Variants in PCDH9 observed in about 807,000 individuals in gnomAD.
The protein encoded by PCDH9 is protocadherin-9.
In PCDH9, 24 loss-of-function variants were observed where a neutral mutation model predicts 70.6. The observed-to-expected ratio is 0.34, with a 90% CI of 0.25 to 0.48. PCDH9 has a LOEUF of 0.48. PCDH9 is among the 20% of genes least tolerant of loss of function. PCDH9 has a pLI of 0.99. For synonymous variants in PCDH9, 562 were observed against 558.5 expected (o/e 1.01, Z -0.09); for missense variants, 1,281 against 1,503.6 (o/e 0.85, Z 2.45).
intron 2 of PCDH9, among the ~76,000 whole-genome samples, chr13:66,957,317 G>T (rs2083279587): frequency 6.6e-6 from 1 of 152,106 alleles, no homozygotes; most frequent in East Asian, 1.9e-4. Context: ...CTTTTGTCCA[G>T]CTTACAAAAT....
chr13:66,642,254 T>C (rs1215262199), intron 3 of PCDH9, among the ~76,000 whole-genome samples: 3 of 152,094 alleles, frequency 2.0e-5, no homozygotes, highest in African/African-American at 7.2e-5. Context: ...ATCCAAACTT[T>C]ATTAACTTAA....
intron 4 of PCDH9, among the ~76,000 whole-genome samples, chr13:66,457,969 G>A (rs767157418): frequency 6.6e-6 from 1 of 151,992 alleles, no homozygotes; most frequent in Middle Eastern, 3.4e-3. Flanking sequence ...AGTTTTGTGT[G>A]TATATATATT....
chr13:67,101,617 G>C (rs1411657327), intron 2 of PCDH9, among the ~76,000 whole-genome samples: 1 of 152,116 alleles, frequency 6.6e-6, no homozygotes, highest in African/African-American at 2.4e-5. Flanking sequence ...CTAAAATATG[G>C]AAAGAGTTTT....
chr13:66,708,601 T>TA (rs1040910250), intron 3 of PCDH9, among the ~76,000 whole-genome samples: 7 of 152,112 alleles, frequency 4.6e-5, no homozygotes, highest in African/African-American at 1.7e-4. Flanking sequence ...TCTTAGAATG[T>TA]AAAAAAGAGC....
chr13:67,018,761 C>T lies in PCDH9; in HGVS notation c.3037-115156G>A, dbSNP rs552456751. Among the ~76,000 whole-genome samples, 275 of 152,138 alleles carry T rather than the reference C, an allele frequency of 1.8e-3. 2 individuals are homozygous for T. Among genetic ancestry groups the T allele is most frequent in the African/African-American group, 6.4e-3 (266 of 41,510 alleles). On this transcript the variant is annotated intron_variant, in intron 2 of 4. Transcript: ENST00000377865. Reference sequence around the variant, plus strand: ...TCAATATCAATTTCACTGGAATGCCCCTGTTCTAGTCTCTCTGCCTCTATT... The same window carrying T: ...TCAATATCAATTTCACTGGAATGCCTCTGTTCTAGTCTCTCTGCCTCTATT...
intron 4 of PCDH9, among the ~76,000 whole-genome samples, chr13:66,311,601 C>T (rs1955563485): frequency 6.6e-6 from 1 of 152,068 alleles, no homozygotes; most frequent in Non-Finnish European, 1.5e-5. Context: ...CATTAATTTG[C>T]CTCAAATCTA....
At chr13:66,998,266 G>T (rs2084164082) in intron 2 of PCDH9, among the ~76,000 whole-genome samples, 1 of 152,202 alleles carries the variant, frequency 6.6e-6, no homozygotes, top group African/African-American at 2.4e-5. Context: ...TCTGGAGATT[G>T]TTGGTTTAAG....
At chr13:66,650,537 C>T (rs963541663) in intron 3 of PCDH9, among the ~76,000 whole-genome samples, 1 of 151,842 alleles carries the variant, frequency 6.6e-6, no homozygotes, top group Non-Finnish European at 1.5e-5. Flanking sequence ...CTAGAGACTT[C>T]AACACCCCAC....
intron 2 of PCDH9, among the ~76,000 whole-genome samples, chr13:67,146,955 T>G (rs2087537660): frequency 6.6e-6 from 1 of 152,178 alleles, no homozygotes; most frequent in South Asian, 2.1e-4. Context: ...TCCGGCTTCC[T>G]TTTTTTAAGT....
intron 4 of PCDH9, among the ~76,000 whole-genome samples, chr13:66,567,141 C>T (rs2076664607): frequency 2.0e-5 from 3 of 152,060 alleles, no homozygotes; most frequent in Admixed American, 2.0e-4. Context: ...CAGTGCCATT[C>T]AGTTTAAGTC....
intron 3 of PCDH9, among the ~76,000 whole-genome samples, chr13:66,713,625 G>GATATATA (rs2078826521): frequency 9.1e-6 from 1 of 110,012 alleles, no homozygotes; most frequent in Non-Finnish European, 1.8e-5. Flanking sequence ...GTGTGTGTGT[G>GATATATA]TATATATATA....
chr13:66,544,900 T>A (rs1241206350), intron 4 of PCDH9, among the ~76,000 whole-genome samples: 1 of 152,170 alleles, frequency 6.6e-6, no homozygotes, highest in Admixed American at 6.5e-5. Flanking sequence ...CTGGACCAGA[T>A]CTTGTTTTAC....
intron 3 of PCDH9, among the ~76,000 whole-genome samples, chr13:66,660,924 G>T (rs1159987626): frequency 1.3e-5 from 2 of 151,688 alleles, no homozygotes; most frequent in Non-Finnish European, 1.5e-5. Flanking sequence ...CTAGAAACTT[G>T]TTATTTACAA....
intron 3 of PCDH9, among the ~76,000 whole-genome samples, chr13:66,813,885 G>C (rs2080555881): frequency 6.6e-6 from 1 of 152,090 alleles, no homozygotes; most frequent in Admixed American, 6.6e-5. Flanking sequence ...AAAAAAATCA[G>C]AGGTCAAGTT....
chr13:66,681,161 A>T (rs1004289523), intron 3 of PCDH9, among the ~76,000 whole-genome samples: 1 of 151,776 alleles, frequency 6.6e-6, no homozygotes, highest in African/African-American at 2.4e-5. Context: ...CAATCACTTT[A>T]CCCCCCACAA....
intron 3 of PCDH9, among the ~76,000 whole-genome samples, chr13:66,893,328 T>G (rs1594217362): frequency 6.6e-6 from 1 of 152,120 alleles, no homozygotes; most frequent in East Asian, 1.9e-4. Flanking sequence ...TATCACACTG[T>G]GAATCAGAGG....
At chr13:66,965,546 T>C (rs1181533169) in intron 2 of PCDH9, among the ~76,000 whole-genome samples, 1 of 152,130 alleles carries the variant, frequency 6.6e-6, no homozygotes, top group African/African-American at 2.4e-5. Flanking sequence ...AGCTCAAAGA[T>C]TCCAAATGTG....
At chr13:67,069,860 T>C (rs879685380) in intron 2 of PCDH9, among the ~76,000 whole-genome samples, 11 of 152,236 alleles carry the variant, frequency 7.2e-5, no homozygotes, top group Non-Finnish European at 1.3e-4. Context: ...GATTGTCAAA[T>C]GTTGGGTATA....
intron 3 of PCDH9, among the ~76,000 whole-genome samples, chr13:66,707,838 G>A (rs1435011910): frequency 6.6e-6 from 1 of 152,058 alleles, no homozygotes; most frequent in Non-Finnish European, 1.5e-5. Flanking sequence ...TATTTACAAG[G>A]TTTAATATGC....
Sources: gnomAD v4.1 joint callset for allele counts (sites outside exome capture counted in the v4.1 genomes callset) on GRCh38, gnomAD v4.1.1 for gene constraint, MANE v1.5 for transcripts, NCBI Gene and HGNC (gene_info 2026-07-23, HGNC 2026-07-21) for gene names.